The following DMRT1 variants were observed in gnomAD, a reference collection of about 807,000 sequenced individuals.
DMRT1 encodes doublesex- and mab-3-related transcription factor 1.
A neutral mutation model predicts 32.3 loss-of-function variants in DMRT1; 7 were observed. That is an observed-to-expected ratio of 0.22 (90% CI 0.12 to 0.41). DMRT1 has a LOEUF of 0.41. Among genes scored for constraint, DMRT1 ranks in the 10% least tolerant of loss-of-function variants. The probability of loss-of-function intolerance (pLI) is 1.00; values close to 1 mark genes in which losing one functional copy is unlikely to be tolerated. For missense variants in DMRT1, 625 were observed against 500.5 expected, an observed-to-expected ratio of 1.25 and a Z score of -2.37; for synonymous variants, 278 against 206.1, an observed-to-expected ratio of 1.35 and a Z score of -2.99.
intron 3 of DMRT1, among the ~76,000 whole-genome samples, chr9:902,013 G>A (rs1007789071): frequency 2.7e-5 from 4 of 148,516 alleles, no homozygotes; most frequent in Non-Finnish European, 3.0e-5. Flanking sequence ...TAGTTCAAGC[G>A]GTTCTCCTGC....
At chr9:853,927 T>A (rs1197763606) in intron 2 of DMRT1, among the ~76,000 whole-genome samples, 1 of 151,548 alleles carries the variant, frequency 6.6e-6, no homozygotes, top group Non-Finnish European at 1.5e-5. Flanking sequence ...TCCCGAGCAG[T>A]TAGGACTACA....
At chr9:960,163 T>C (rs1345746794) in intron 4 of DMRT1, among the ~76,000 whole-genome samples, 1 of 152,228 alleles carries the variant, frequency 6.6e-6, no homozygotes, top group Non-Finnish European at 1.5e-5. Flanking sequence ...TAAGTGTCAC[T>C]GAAGGCCTAT....
chr9:916,618 C>T (rs571674120), intron 3 of DMRT1, 145 bp from the exon 4 acceptor site: 110 of 954,378 alleles, frequency 1.2e-4, no homozygotes, highest in African/African-American at 9.2e-4. Flanking sequence ...GCGATCCTCC[C>T]GCCCTGGCCT....
intron 4 of DMRT1, among the ~76,000 whole-genome samples, chr9:941,113 G>C (rs950675278): frequency 6.6e-6 from 1 of 152,170 alleles, no homozygotes; most frequent in Non-Finnish European, 1.5e-5. Context: ...TATGCAAACA[G>C]TATGGTGGGT....
At chr9:946,110 G>T (rs766318872) in intron 4 of DMRT1, among the ~76,000 whole-genome samples, 1 of 151,468 alleles carries the variant, frequency 6.6e-6, no homozygotes, top group Non-Finnish European at 1.5e-5. Context: ...TTATTTATTG[G>T]CAGTCATGTT....
At chr9:935,106 A>G (rs1011318889) in intron 4 of DMRT1, among the ~76,000 whole-genome samples, 4 of 152,136 alleles carry the variant, frequency 2.6e-5, no homozygotes, top group African/African-American at 9.7e-5. Context: ...GTGATTTTCA[A>G]TTTTTCTAGT....
chr9:841,939 C>T lies in DMRT1; in HGVS notation c.101C>T (p.Ala34Val), dbSNP rs757158105. The T allele has an allele frequency of 6.2e-7, 1 of 1,602,836 alleles. No individual in the cohort carries two copies. The highest frequency in any genetic ancestry group is 8.5e-7 in the Non-Finnish European group (1 of 1,175,094). The part of the protein sequence containing the change: ...PQGRAGGFGK[A>V]SGALVGAASG... The stretch of plus-strand genomic sequence containing the variant: ...GGCAGAGCCGGGGGCTTTGGCAAAG[C>T]GTCTGGGGCGCTAGTGGGGGCGGCC... The change falls in exon 1 of 5, where the codon GCG becomes GTG. Residue 34 changes from alanine (A) to valine (V), a missense_variant. Physicochemically the swap from Ala to Val is moderately conservative, Grantham distance 64 (BLOSUM62 0). Around this residue, in one of 3 missense-constraint regions of DMRT1, gnomAD observed 201 missense variants for 152.0 expected, o/e 1.32. Coordinates refer to ENST00000382276, the MANE Select transcript of DMRT1 (RefSeq NM_021951.3).
At chr9:881,325 A>G (rs968519044) in intron 2 of DMRT1, among the ~76,000 whole-genome samples, 3 of 152,216 alleles carry the variant, frequency 2.0e-5, no homozygotes, top group Non-Finnish European at 4.4e-5. Context: ...AACGGAAGCT[A>G]TGTGAAACAA....
At chr9:928,494 C>T (rs917973499) in intron 4 of DMRT1, among the ~76,000 whole-genome samples, 1 of 152,118 alleles carries the variant, frequency 6.6e-6, no homozygotes, top group Non-Finnish European at 1.5e-5. Flanking sequence ...TGTCTTCTTA[C>T]TAGAGATGAT....
chr9:931,131 C>G (rs1030219070), intron 4 of DMRT1, among the ~76,000 whole-genome samples: 10 of 152,258 alleles, frequency 6.6e-5, no homozygotes, highest in African/African-American at 2.2e-4. Flanking sequence ...TCTTTTGTGT[C>G]CGACTTCTTT....
chr9:912,640 TAC>T lies in DMRT1; in HGVS notation c.823-4121_823-4120del, dbSNP rs1818029111. 2.6e-5 allele frequency among the ~76,000 whole-genome samples: 4 copies of T among 152,336 alleles called. No homozygotes were observed. The South Asian group carries it at 8.3e-4, about 32-fold the overall frequency. On this transcript the variant is annotated intron_variant, in intron 3 of 4. Coordinates refer to ENST00000382276, the MANE Select transcript of DMRT1 (RefSeq NM_021951.3). ...CTTCATCTTTTTGTCAAATAATACA[TAC>T]ATTGGGATTGGCAGCGTTAGCCAGT... is the stretch of plus-strand genomic sequence containing the variant.
rs563615573 is a variant in DMRT1, at chr9:917,972, C to T, written c.967+1065C>T. ...TTCCGTTGGGAGTGGACAAGCACAA[C>T]TCTGTTTTATAAGTATTCATACTAT... On this transcript the variant is annotated intron_variant, in intron 4 of 4. Coordinates refer to ENST00000382276, the MANE Select transcript of DMRT1 (RefSeq NM_021951.3). Among the ~76,000 whole-genome samples the T allele has an allele frequency of 5.3e-5, 8 of 152,318 alleles. No individual in the cohort carries two copies. In the East Asian group the frequency reaches 1.5e-3, roughly 29 times the overall value.
intron 2 of DMRT1, among the ~76,000 whole-genome samples, chr9:883,494 G>A (rs939721456): frequency 3.3e-5 from 5 of 151,670 alleles, no homozygotes; most frequent in Non-Finnish European, 5.9e-5. Flanking sequence ...TAACTCCCCC[G>A]ACCCCCAAAA....
At chr9:940,490 A>C (rs1819027736) in intron 4 of DMRT1, among the ~76,000 whole-genome samples, 1 of 143,790 alleles carries the variant, frequency 7.0e-6, no homozygotes, top group Non-Finnish European at 1.5e-5. Context: ...AAAACTGGCT[A>C]TCCACATAAA....
intron 1 of DMRT1, 92 bp from the exon 2 acceptor site, chr9:846,868 G>T: frequency 1.4e-6 from 2 of 1,475,668 alleles, no homozygotes; most frequent in Non-Finnish European, 1.9e-6. Context: ...CAGAGCTAGT[G>T]AATCATGGTG....
Position 914,434 on chromosome 9 carries a change from C to T in DMRT1, c.823-2329C>T, listed in dbSNP as rs528786595. Reference sequence around the variant, plus strand: ...CTAAAAATGCAAAAAATTAGCCAGGCATGGTGGCGGGCGCCTGTAGTCCCA... The same window carrying T: ...CTAAAAATGCAAAAAATTAGCCAGGTATGGTGGCGGGCGCCTGTAGTCCCA... On this transcript the variant is annotated intron_variant, in intron 3 of 4. Coordinates refer to ENST00000382276, the MANE Select transcript of DMRT1 (RefSeq NM_021951.3). 7.9e-5 allele frequency among the ~76,000 whole-genome samples: 12 copies of T among 151,954 alleles called. No individual in the cohort carries two copies. The East Asian group carries it at 2.3e-3, about 30-fold the overall frequency.
intron 4 of DMRT1, among the ~76,000 whole-genome samples, chr9:930,176 T>A (rs1308470615): frequency 6.6e-6 from 1 of 152,186 alleles, no homozygotes; most frequent in Non-Finnish European, 1.5e-5. Context: ...CCTTTGTTAC[T>A]TACATAGCTA....
intron 3 of DMRT1, among the ~76,000 whole-genome samples, chr9:907,645 G>A (rs1817823778): frequency 6.6e-6 from 1 of 152,188 alleles, no homozygotes; most frequent in African/African-American, 2.4e-5. Context: ...GAGACCCACA[G>A]TAAGAAACTG....
At chr9:923,010 A>G (rs1268672560) in intron 4 of DMRT1, among the ~76,000 whole-genome samples, 2 of 152,116 alleles carry the variant, frequency 1.3e-5, no homozygotes, top group African/African-American at 4.8e-5. Context: ...TTTCGAATCC[A>G]TCTGGCGTTG....
Sources: allele counts gnomAD v4.1 joint callset (sites outside exome capture counted in the v4.1 genomes callset), GRCh38; gene constraint gnomAD v4.1.1; regional missense constraint gnomAD v4.1.1; transcripts MANE v1.5; gene names NCBI Gene and HGNC (gene_info 2026-07-23, HGNC 2026-07-21).